SUCLG2: variants seen among roughly 807,000 people sequenced by gnomAD.
SUCLG2 encodes succinate--CoA ligase [GDP-forming] subunit beta, mitochondrial.
In SUCLG2, 42 loss-of-function variants were observed where a neutral mutation model predicts 47.9. The observed-to-expected ratio is 0.88, with a 90% CI of 0.69 to 1.14. SUCLG2 has a LOEUF of 1.14. Among genes scored for constraint, SUCLG2 ranks in the 50% most tolerant of loss-of-function variants. The pLI, the probability that SUCLG2 is intolerant of heterozygous loss-of-function variation, is 0.00. For missense variants in SUCLG2, 571 were observed against 525.9 expected, an observed-to-expected ratio of 1.09 and a Z score of -0.84; for synonymous variants, 195 against 197.3, an observed-to-expected ratio of 0.99 and a Z score of 0.10.
chr3:67,373,609 T>C (rs1423581609), downstream of SUCLG2, among the ~76,000 whole-genome samples: 3 of 152,282 alleles, frequency 2.0e-5, no homozygotes, highest in East Asian at 5.8e-4. Context: ...CGGGGCCAGA[T>C]TCAGGAATAG....
chr3:67,631,537 G>T (rs965228823), intron 1 of SUCLG2, among the ~76,000 whole-genome samples: 1 of 152,224 alleles, frequency 6.6e-6, no homozygotes, highest in East Asian at 1.9e-4. Flanking sequence ...TGAGGCATAG[G>T]AATCGTTTGA....
At chr3:67,405,226 T>C (rs1702776824) in intron 9 of SUCLG2, among the ~76,000 whole-genome samples, 1 of 152,242 alleles carries the variant, frequency 6.6e-6, no homozygotes, top group South Asian at 2.1e-4. Context: ...GCTGTGCAGG[T>C]GGTCAGGCAG....
At chr3:67,626,970 A>G (rs925799781) in intron 1 of SUCLG2, among the ~76,000 whole-genome samples, 4 of 151,174 alleles carry the variant, frequency 2.6e-5, no homozygotes, top group Non-Finnish European at 5.9e-5. Flanking sequence ...AGAGGACAGT[A>G]TATGTATCAA....
chr3:67,527,258 C>T (rs1706278535), intron 4 of SUCLG2, among the ~76,000 whole-genome samples: 1 of 152,242 alleles, frequency 6.6e-6, no homozygotes, highest in Non-Finnish European at 1.5e-5. Context: ...GTCAACAGAG[C>T]AGACAGCTGC....
intron 2 of SUCLG2, among the ~76,000 whole-genome samples, chr3:67,609,004 AAGTGCCTCC>A (rs1232710700): frequency 6.6e-6 from 1 of 152,156 alleles, no homozygotes; most frequent in East Asian, 1.9e-4. Context: ...CACTTAGGCC[AAGTGCCTCC>A]AGTGAGTGAT....
intron 2 of SUCLG2, among the ~76,000 whole-genome samples, chr3:67,583,022 T>C (rs1038347069): frequency 6.6e-6 from 1 of 152,154 alleles, no homozygotes; most frequent in East Asian, 1.9e-4. Context: ...CAGTTACTTG[T>C]ATGCAGTGAC....
intron 1 of SUCLG2, among the ~76,000 whole-genome samples, chr3:67,644,681 A>G (rs1559610775): frequency 6.6e-6 from 1 of 151,906 alleles, no homozygotes; most frequent in African/African-American, 2.4e-5. Context: ...TTTTACTACA[A>G]TAATAAATAT....
At chr3:67,444,081 G>A (rs1467162439) in intron 9 of SUCLG2, among the ~76,000 whole-genome samples, 1 of 109,002 alleles carries the variant, frequency 9.2e-6, no homozygotes, top group Non-Finnish European at 2.0e-5. Flanking sequence ...CCCCCCGCCT[G>A]GCCAGCCGCG....
In SUCLG2 at chr3:67,375,822, G is replaced by A. The variant is rs1478490141; in HGVS notation, c.1221C>T (p.Asn407=). ...NVQEAQKILN[N]SGLPITSAID... ...TGGCTGAAGTAATGGGGAGTCCGCT[G>A]TTGTTGAGTATCTTCTGGGCCTCTT... The change falls in exon 11 of 11, where the codon AAC becomes AAT. Residue 407 remains asparagine (N), a synonymous_variant. Transcript: ENST00000307227. The A allele has an allele frequency of 2.5e-6, 4 of 1,613,830 alleles. No homozygotes were observed. The African/African-American group carries it at 4.0e-5, about 16-fold the overall frequency.
chr3:67,523,056 G>A (rs745497443), intron 4 of SUCLG2, among the ~76,000 whole-genome samples: 7 of 152,018 alleles, frequency 4.6e-5, no homozygotes, highest in African/African-American at 9.7e-5. Flanking sequence ...CAAAGTGCTC[G>A]GATTACAAGT....
chr3:67,433,015 A>G (rs1310880937), intron 9 of SUCLG2, among the ~76,000 whole-genome samples: 1 of 152,222 alleles, frequency 6.6e-6, no homozygotes, highest in Non-Finnish European at 1.5e-5. Context: ...GGTAAGAAAT[A>G]AAGCTGAGAT....
At chr3:67,417,243 G>C (rs1276092655) in intron 9 of SUCLG2, among the ~76,000 whole-genome samples, 3 of 152,116 alleles carry the variant, frequency 2.0e-5, no homozygotes, top group African/African-American at 4.8e-5. Context: ...TGTTTCATTT[G>C]GCAATATATT....
downstream of SUCLG2, among the ~76,000 whole-genome samples, chr3:67,373,600 G>A (rs866889381): frequency 1.3e-5 from 2 of 151,980 alleles, no homozygotes; most frequent in African/African-American, 4.8e-5. Flanking sequence ...TAAATGAACC[G>A]GGGCCAGATT....
At chr3:67,407,684 C>T (rs1702845658) in intron 9 of SUCLG2, among the ~76,000 whole-genome samples, 5 of 152,132 alleles carry the variant, frequency 3.3e-5, no homozygotes, top group South Asian at 2.1e-4. Flanking sequence ...ATTCCAATCA[C>T]GAATGCTAAT....
intron 2 of SUCLG2, among the ~76,000 whole-genome samples, chr3:67,542,205 C>G (rs1189776372): frequency 1.3e-5 from 2 of 152,116 alleles, no homozygotes; most frequent in African/African-American, 4.8e-5. Context: ...AATTTTCAAC[C>G]CAGAATTTCA....
Position 67,518,290 on chromosome 3 carries a change from C to G in SUCLG2, c.617G>C (p.Arg206Pro), listed in dbSNP as rs748940563. The G allele has an allele frequency of 3.7e-6, 6 of 1,612,650 alleles. No individual in the cohort carries two copies. Among genetic ancestry groups the G allele is most frequent in the Non-Finnish European group, 4.2e-6 (5 of 1,179,196 alleles). The change falls in exon 6 of 11, where the codon CGG (arginine) becomes CCG (proline). Residue 206 changes from arginine to proline, a missense_variant. By Grantham distance (103) the Arg-to-Pro change is moderately radical. Transcript: ENST00000307227. ...FEGIKDSQAQRMAENLGFVGP... is the reference protein window; with the variant it reads ...FEGIKDSQAQPMAENLGFVGP... ...AACGAAGCCTAGATTTTCGGCCATC[C>G]GCTGAGCTTGGCTGTCCTTTATTCC... is the stretch of plus-strand genomic sequence containing the variant.
chr3:67,642,916 C>CTGTGTGTGTGTG lies in SUCLG2; in HGVS notation c.84+11586_84+11587insCACACACACACA, dbSNP rs1491202290. 7.9e-4 allele frequency among the ~76,000 whole-genome samples: 95 copies of CTGTGTGTGTGTG among 120,160 alleles called. 1 individual carries two copies. Among genetic ancestry groups the CTGTGTGTGTGTG allele is most frequent in the African/African-American group, 1.9e-3 (70 of 36,518 alleles). 78.8% of individuals were successfully genotyped at this position (120,160 alleles called of 152,430 possible). On this transcript the variant is annotated intron_variant, in intron 1 of 10. Coordinates refer to ENST00000307227, the MANE Select transcript of SUCLG2 (RefSeq NM_003848.4). The stretch of plus-strand genomic sequence containing the variant: ...TACAGGCAAGTCCAACAGAAAAGGA[C>CTGTGTGTGTGTG]TCTGTGTGTGTGTGTGTGTGTGTGT...
At position 67,588,706 on chromosome 3, in the gene SUCLG2, T is replaced by C. The variant is rs142089225; in HGVS notation, c.226+20749A>G. Among the ~76,000 whole-genome samples, 634 of 152,310 alleles carry C rather than the reference T, an allele frequency of 4.2e-3. 2 individuals are homozygous for C. Among genetic ancestry groups the C allele is most frequent in the Middle Eastern group, 0.031 (9 of 294 alleles). ...AGACATGAAACTTGATAGCTAAATA[T>C]ATGACCACTTTTTCACATTACTTGC... is the stretch of plus-strand genomic sequence containing the variant. On this transcript the variant is annotated intron_variant, in intron 2 of 10. Coordinates refer to ENST00000307227, the MANE Select transcript of SUCLG2 (RefSeq NM_003848.4).
intron 10 of SUCLG2, among the ~76,000 whole-genome samples, chr3:67,364,907 A>G (rs918469173): frequency 4.6e-5 from 7 of 152,250 alleles, no homozygotes; most frequent in East Asian, 1.9e-4. Context: ...GGCACTGAAT[A>G]GTTATGAACA....
Sources: gnomAD v4.1 joint callset for allele counts (sites outside exome capture counted in the v4.1 genomes callset) on GRCh38, gnomAD v4.1.1 for gene constraint, MANE v1.5 for transcripts, NCBI Gene and HGNC (gene_info 2026-07-23, HGNC 2026-07-21) for gene names.